Variants in BRCA2 observed in about 807,000 individuals in gnomAD.
BRCA2 encodes the protein breast cancer type 2 susceptibility protein.
In BRCA2, 203 loss-of-function variants were observed where a neutral mutation model predicts 276.7. That is an observed-to-expected ratio of 0.73 (90% confidence interval 0.65 to 0.82). BRCA2 has a LOEUF of 0.82. Ranked by LOEUF, BRCA2 falls within the 40% of genes least tolerant of loss-of-function variation. The pLI, the probability that BRCA2 is intolerant of heterozygous loss-of-function variation, is 0.00. For synonymous variants in BRCA2, 1,289 were observed against 1,338.4 expected, an observed-to-expected ratio of 0.96 and a Z score of 0.81; for missense variants, 3,920 against 3,915.0, an observed-to-expected ratio of 1.00 and a Z score of -0.03.
At chr13:32,351,482 T>C (rs1002527008) in intron 13 of BRCA2, among the ~76,000 whole-genome samples, 7 of 152,110 alleles carry the variant, frequency 4.6e-5, no homozygotes, top group Non-Finnish European at 8.8e-5. Context: ...AGCTTCATTC[T>C]TGAAGTCAGC....
intron 12 of BRCA2, among the ~76,000 whole-genome samples, chr13:32,346,133 T>TA (rs1054006293): frequency 2.0e-5 from 3 of 152,008 alleles, no homozygotes; most frequent in African/African-American, 4.8e-5. Flanking sequence ...AAGGTATACT[T>TA]AGAGTTTTTA....
intron 21 of BRCA2, among the ~76,000 whole-genome samples, chr13:32,377,702 T>G (rs2072883754): frequency 6.6e-6 from 1 of 152,138 alleles, no homozygotes; most frequent in Non-Finnish European, 1.5e-5. Flanking sequence ...TAGAACATAA[T>G]TTTATATATT....
Position 32,339,482 on chromosome 13 carries a change from TTATG to T in BRCA2, c.5130_5133del (p.Tyr1710Ter), listed in dbSNP as rs80359484. ...AACCAGAAAGAATAAATACTGCAGA[TTATG>T]TAGGAAATTATTTGTATGAAAATAA... On this transcript the variant is annotated frameshift_variant, in exon 11 of 27. Transcript: ENST00000380152. LOFTEE classifies it high-confidence loss of function. 10 of 1,583,092 alleles carry T rather than the reference TTATG, an allele frequency of 6.3e-6. No homozygotes were observed. The highest frequency in any genetic ancestry group is 2.2e-5 in the East Asian group (1 of 44,548).
In BRCA2 at chr13:32,370,973, A is replaced by G. The variant is rs765655952; in HGVS notation, c.8505A>G (p.Ser2835=). 1.4e-5 allele frequency: 23 copies of G among 1,614,124 alleles called. No homozygotes were observed. Among genetic ancestry groups the G allele is most frequent in the East Asian group, 4.5e-5 (2 of 44,864 alleles). The change falls in exon 20 of 27, where the codon TCA becomes TCG. Residue 2835 remains serine (S), a synonymous_variant. Transcript: ENST00000380152. ...TATTACAGTGGATGGAGAAGACATC[A>G]TCTGGATTATACATATTTCGCAATG... The part of the protein sequence containing the change: ...AYPIQWMEKT[S]SGLYIFRNER...
chr13:32,331,776 C>A (rs2072393297), intron 9 of BRCA2, among the ~76,000 whole-genome samples: 1 of 151,400 alleles, frequency 6.6e-6, no homozygotes, highest in Non-Finnish European at 1.5e-5. Context: ...CTAATCAGGT[C>A]ATGGAATATT....
chr13:32,371,183 A>C, intron 20 of BRCA2, 83 bp downstream of exon 20: 2 of 1,433,690 alleles, frequency 1.4e-6, no homozygotes, highest in Non-Finnish European at 1.9e-6. Flanking sequence ...ATTTTTAATG[A>C]GTAAATTGTT....
At chr13:32,366,157 G>A (rs2072780561) in intron 18 of BRCA2, among the ~76,000 whole-genome samples, 1 of 152,162 alleles carries the variant, frequency 6.6e-6, no homozygotes, top group African/African-American at 2.4e-5. Flanking sequence ...TTCAATTAGA[G>A]CATAATCATA....
At chr13:32,350,948 C>A (rs998990589) in intron 13 of BRCA2, among the ~76,000 whole-genome samples, 1 of 151,990 alleles carries the variant, frequency 6.6e-6, no homozygotes, top group African/African-American at 2.4e-5. Context: ...CACCAATCAG[C>A]GCTCTGTGTC....
rs587781539 is a variant in BRCA2, at chr13:32,340,475, A to C, written c.6120A>C (p.Ile2040=). 3 of 1,613,778 alleles carry C rather than the reference A, an allele frequency of 1.9e-6. No individual in the cohort carries two copies. The highest frequency in any genetic ancestry group is 2.5e-6 in the Non-Finnish European group (3 of 1,179,818). ...CTATACGTACTCCAGAACATTTAATATCCCAAAAAGGCTTTTCATATAATG... is the reference window on the plus strand; with the variant it reads ...CTATACGTACTCCAGAACATTTAATCTCCCAAAAAGGCTTTTCATATAATG... ...NTAIRTPEHL[I]SQKGFSYNVV... is the part of the protein sequence containing the mutation. Residue 2040 remains isoleucine, a synonymous_variant, in exon 11 of 27, where the codon ATA becomes ATC. Transcript: ENST00000380152.
intron 24 of BRCA2, among the ~76,000 whole-genome samples, chr13:32,391,274 G>A (rs186081705): frequency 2.6e-5 from 4 of 152,260 alleles, no homozygotes; most frequent in Admixed American, 1.3e-4. Context: ...AATGCCCTTA[G>A]GAACAGCACT....
At position 32,364,579 on chromosome 13, in the gene BRCA2, T is replaced by G. The variant is rs182934679; in HGVS notation, c.8331+1046T>G. 3.7e-3 allele frequency among the ~76,000 whole-genome samples: 566 copies of G among 152,140 alleles called. 3 individuals carry two copies. The highest frequency in any genetic ancestry group is 6.9e-3 in the South Asian group (33 of 4,812). ...TCTGTATTCAGTGTATACATTATAA[T>G]GACTGAAAAATATTTTTTGCAATTT... On this transcript the variant is annotated intron_variant, in intron 18 of 26. Coordinates refer to ENST00000380152, the MANE Select transcript of BRCA2 (RefSeq NM_000059.4).
intron 18 of BRCA2, among the ~76,000 whole-genome samples, chr13:32,366,807 G>A (rs2072785425): frequency 6.8e-6 from 1 of 147,328 alleles, no homozygotes; most frequent in East Asian, 2.0e-4. Flanking sequence ...GGGCGACAAA[G>A]TGAGACCCTG....
intron 7 of BRCA2, among the ~76,000 whole-genome samples, chr13:32,326,848 G>A (rs1045891145): frequency 6.6e-6 from 1 of 152,210 alleles, no homozygotes; most frequent in Non-Finnish European, 1.5e-5. Context: ...TGTGATTAAC[G>A]TAGAATAGCT....
chr13:32,339,087 T>C lies in BRCA2; in HGVS notation c.4732T>C (p.Leu1578=), dbSNP rs80358700. The change falls in exon 11 of 27, where the codon TTA becomes CTA. Residue 1578 remains leucine, a synonymous_variant. Transcript: ENST00000380152. ...CAGAGAGGCCTGTAAAGACCTTGAA[T>C]TAGCATGTGAGACCATTGAGATCAC... ...KYREACKDLE[L]ACETIEITAA... 6.2e-7 allele frequency: 1 copy of C among 1,614,000 alleles called. No homozygotes were observed. Among genetic ancestry groups the C allele is most frequent in the Non-Finnish European group, 8.5e-7 (1 of 1,179,926 alleles).
rs1555286076 is a variant in BRCA2, at chr13:32,355,169, G to A, written c.7316G>A (p.Gly2439Glu). The A allele has an allele frequency of 2.5e-6, 4 of 1,613,854 alleles. No individual in the cohort carries two copies. The highest frequency in any genetic ancestry group is 3.4e-6 in the Non-Finnish European group (4 of 1,179,854). ...AACAGACAAAAGCAAAACATTGATG[G>A]ACATGGCTCTGATGATAGTAAAAAT... The part of the protein sequence containing the change: ...EENRQKQNID[G>E]HGSDDSKNKI... Residue 2439 changes from glycine to glutamate, a missense_variant, in exon 14 of 27, where the codon GGA becomes GAA. This residue lies in a region of BRCA2 where 3,263 missense variants were observed against 3,156.9 expected (regional missense o/e 1.03). Coordinates refer to ENST00000380152, the MANE Select transcript of BRCA2 (RefSeq NM_000059.4).
chr13:32,397,611 A>G (rs2073045259), intron 26 of BRCA2, among the ~76,000 whole-genome samples: 1 of 152,190 alleles, frequency 6.6e-6, no homozygotes, highest in Admixed American at 6.5e-5. Context: ...GATGTTGAAG[A>G]TTTAAATGAC....
intron 3 of BRCA2, among the ~76,000 whole-genome samples, chr13:32,323,567 G>A (rs966901571): frequency 6.6e-6 from 1 of 152,244 alleles, no homozygotes; most frequent in South Asian, 2.1e-4. Context: ...GGGTTTTTAA[G>A]TTACACATCC....
Position 32,339,667 on chromosome 13 carries a change from G to A in BRCA2, c.5312G>A (p.Gly1771Asp), listed in dbSNP as rs80358755. ...CTCTCAAAAAATAAACTTGATTCTG[G>A]TATTGAGCCAGTATTGAAGAATGTT... ...GYLSKNKLDS[G>D]IEPVLKNVED... Residue 1771 changes from glycine (G) to aspartate (D), a missense_variant, in exon 11 of 27, where the codon GGT becomes GAT. By Grantham distance (94) the Gly-to-Asp change is moderately conservative. Around this residue, in one of 2 missense-constraint regions of BRCA2, gnomAD observed 3,263 missense variants for 3,156.9 expected, o/e 1.03. Transcript: ENST00000380152. 3.3e-4 allele frequency: 533 copies of A among 1,612,280 alleles called. 2 individuals carry two copies. In the Middle Eastern group the frequency reaches 8.8e-3, roughly 26 times the overall value.
rs1566232073 is a variant in BRCA2, at chr13:32,339,613, C to G, written c.5258C>G (p.Ser1753Cys). ...SSMSNSYSYH[S>C]DEVYNDSGYL... is the part of the protein sequence containing the mutation. ...ATGTCTAACAGCTATTCCTACCATT[C>G]TGATGAGGTATATAATGATTCAGGA... Residue 1753 changes from serine to cysteine, a missense_variant, in exon 11 of 27, where the codon TCT becomes TGT. Ser to Cys is a moderately radical substitution (Grantham distance 112, BLOSUM62 -1). This residue lies in a region of BRCA2 where 3,263 missense variants were observed against 3,156.9 expected (regional missense o/e 1.03). Transcript: ENST00000380152. The G allele has an allele frequency of 6.2e-7, 1 of 1,611,630 alleles. No individual in the cohort carries two copies. Among genetic ancestry groups the G allele is most frequent in the Non-Finnish European group, 8.5e-7 (1 of 1,178,322 alleles).
Sources: gnomAD v4.1 joint callset for allele counts (sites outside exome capture counted in the v4.1 genomes callset) on GRCh38, gnomAD v4.1.1 for gene constraint, gnomAD v4.1.1 regional missense constraint, MANE v1.5 for transcripts, NCBI Gene and HGNC (gene_info 2026-07-23, HGNC 2026-07-21) for gene names.